Variants in PCNX3 observed in about 807,000 individuals in gnomAD.
PCNX3 encodes pecanex 3, also known as pecanex-like protein 3.
In PCNX3, 58 loss-of-function variants were observed where a neutral mutation model predicts 207.2. That is an observed-to-expected ratio of 0.28 (90% CI 0.23 to 0.35). PCNX3 has a LOEUF of 0.35. Ranked by LOEUF, PCNX3 falls within the 10% of genes least tolerant of loss-of-function variation. The pLI is 1.00. For missense variants in PCNX3, 2,410 were observed against 2,774.4 expected (o/e 0.87, Z 2.95); for synonymous variants, 1,337 against 1,183.5 (o/e 1.13, Z -2.66).
At position 65,618,759 on chromosome 11, in the gene PCNX3, G is replaced by A. The variant is rs1294311865; in HGVS notation, c.1397G>A (p.Arg466Gln). ...ESSRGAAGGP[R>Q]KRRAPHGAEE... Reference sequence around the variant, plus strand: ...TCCCGGGGTGCAGCAGGGGGACCCCGGAAGCGGAGGGCCCCCCATGGGGCT... The same window carrying A: ...TCCCGGGGTGCAGCAGGGGGACCCCAGAAGCGGAGGGCCCCCCATGGGGCT... The change falls in exon 6 of 35, where the codon CGG (arginine) becomes CAG (glutamine). Residue 466 changes from arginine to glutamine, a missense_variant. Physicochemically the swap from Arg to Gln is conservative, Grantham distance 43 (BLOSUM62 1). Transcript: ENST00000355703. 3 of 1,611,372 alleles carry A rather than the reference G, an allele frequency of 1.9e-6. No homozygotes were observed. Among genetic ancestry groups the A allele is most frequent in the African/African-American group, 1.3e-5 (1 of 74,906 alleles).
rs201544271 is a variant in PCNX3, at chr11:65,625,021, G to C, written c.2919+5G>C. 1.2e-4 allele frequency: 194 copies of C among 1,611,404 alleles called. 1 individual carries two copies. The East Asian group carries it at 4.2e-3, about 35-fold the overall frequency. ...TTCTGCCTTGGGGCCATCAAGGTAG[G>C]GGTGGCTTGCGAGGTGGGGGCATGC... On this transcript the variant is annotated splice_donor_5th_base_variant and intron_variant, in intron 16 of 34. Coordinates refer to ENST00000355703, the MANE Select transcript of PCNX3 (RefSeq NM_032223.4). The surrounding 1 kb of genome is among the most constrained non-coding windows in gnomAD (Gnocchi z 5.6).
In PCNX3 at chr11:65,624,254, C is replaced by T. The variant is rs374208667; in HGVS notation, c.2604C>T (p.Leu868=). Residue 868 remains leucine (L), a synonymous_variant, in exon 14 of 35, where the codon CTC becomes CTT. Transcript: ENST00000355703. ...TCTACTTCTGCATCTGCTGTCTGCT[C>T]ATCTGGCTGCTGGACGCCCTGGGCT... ...RPVYFCICCL[L]IWLLDALGSA... 6.2e-7 allele frequency: 1 copy of T among 1,606,130 alleles called. No individual in the cohort carries two copies. Among genetic ancestry groups the T allele is most frequent in the Non-Finnish European group, 8.5e-7 (1 of 1,176,394 alleles).
chr11:65,617,880 C>T (rs967389557), intron 5 of PCNX3, 60 bp from the exon 6 acceptor site: 1 of 1,492,836 alleles, frequency 6.7e-7, no homozygotes, highest in Non-Finnish European at 9.0e-7. Flanking sequence ...CCTCCCTTAA[C>T]CACTAGTTTG....
chr11:65,618,958 G>A lies in PCNX3; in HGVS notation c.1596G>A (p.Glu532=). 1 of 1,604,464 alleles carries A rather than the reference G, an allele frequency of 6.2e-7. No homozygotes were observed. The highest frequency in any genetic ancestry group is 8.5e-7 in the Non-Finnish European group (1 of 1,177,592). Residue 532 remains glutamate (E), a synonymous_variant, in exon 6 of 35, where the codon GAG becomes GAA. Coordinates refer to ENST00000355703, the MANE Select transcript of PCNX3 (RefSeq NM_032223.4). The part of the protein sequence containing the change: ...KAELEAQVGV[E]QAASEPVVLP... ...AGCTGGAGGCCCAGGTTGGGGTGGA[G>A]CAGGCTGCTAGTGAGCCTGTTGTGC... is the stretch of plus-strand genomic sequence containing the variant.
chr11:65,617,041 T>C (rs1426527619), intron 2 of PCNX3, 30 bp downstream of exon 2: 1 of 1,567,194 alleles, frequency 6.4e-7, no homozygotes, highest in Non-Finnish European at 8.7e-7. Flanking sequence ...TGCTGGGGAT[T>C]GAGGGTTTTT....
At chr11:65,623,710 T>G (rs1465586622) in intron 12 of PCNX3, 66 bp downstream of exon 12, 1 of 1,584,434 alleles carries the variant, frequency 6.3e-7, no homozygotes, top group African/African-American at 1.4e-5. Context: ...TTCCCACAAC[T>G]CCAGTTTTAA....
In PCNX3 at chr11:65,630,655, C is replaced by T. The variant is rs774613779; in HGVS notation, c.4470+51C>T. 93 of 1,579,750 alleles carry T rather than the reference C, an allele frequency of 5.9e-5. No individual in the cohort carries two copies. In the Middle Eastern group the frequency reaches 8.4e-4, roughly 14 times the overall value. ...AGCAGGGCCCTTGCGGGTGAGCGCT[C>T]GCTGACCAGAGGCCCCAGTACCCCC... On this transcript the variant is annotated intron_variant, in intron 27 of 34. Transcript: ENST00000355703.
At chr11:65,634,947 C>G (rs1253858780) in intron 29 of PCNX3, 26 bp from the exon 30 acceptor site, 1 of 1,600,818 alleles carries the variant, frequency 6.2e-7, no homozygotes, top group Admixed American at 1.7e-5. Flanking sequence ...CCCCTCTCTC[C>G]CCTCCCTGTT....
chr11:65,635,364 G>T lies in PCNX3; in HGVS notation c.5100G>T (p.Ala1700=). Residue 1700 remains alanine (A), a synonymous_variant, in exon 31 of 35, where the codon GCG becomes GCT. Coordinates refer to ENST00000355703, the MANE Select transcript of PCNX3 (RefSeq NM_032223.4). This position sits in a 1 kb window ranked among gnomAD's most constrained non-coding sequence, Gnocchi z 9.9. The part of the protein sequence containing the change: ...AILSNTPSLL[A]LRHVLDDASD... ...TCAGCAACACGCCCTCCCTGCTGGCGCTGCGCCATGTCCTGGATGATGCCT... is the reference window on the plus strand; with the variant it reads ...TCAGCAACACGCCCTCCCTGCTGGCTCTGCGCCATGTCCTGGATGATGCCT... The T allele has an allele frequency of 6.2e-7, 1 of 1,611,750 alleles. No homozygotes were observed. Among genetic ancestry groups the T allele is most frequent in the Non-Finnish European group, 8.5e-7 (1 of 1,179,428 alleles).
chr11:65,618,231 C>T lies in PCNX3; in HGVS notation c.869C>T (p.Pro290Leu). The T allele has an allele frequency of 1.2e-6, 2 of 1,607,456 alleles. No individual in the cohort carries two copies. Among genetic ancestry groups the T allele is most frequent in the Non-Finnish European group, 1.7e-6 (2 of 1,176,808 alleles). The change falls in exon 6 of 35, where the codon CCC becomes CTC. Residue 290 changes from proline (P) to leucine (L), a missense_variant. This residue lies in a region of PCNX3 where 1,104 missense variants were observed against 970.3 expected (regional missense o/e 1.14). Transcript: ENST00000355703. ...QPLDRRGSGE[P>L]TPQKAGSSDS... Reference sequence around the variant, plus strand: ...CTTGACCGGCGGGGCTCAGGGGAGCCCACGCCCCAGAAAGCCGGCTCCTCA... The same window carrying T: ...CTTGACCGGCGGGGCTCAGGGGAGCTCACGCCCCAGAAAGCCGGCTCCTCA...
Position 65,618,021 on chromosome 11 carries a change from T to A in PCNX3, c.659T>A (p.Leu220Gln). Residue 220 changes from leucine to glutamine, a missense_variant, in exon 6 of 35, where the codon CTG becomes CAG. Leu to Gln is a moderately radical substitution (Grantham distance 113). Coordinates refer to ENST00000355703, the MANE Select transcript of PCNX3 (RefSeq NM_032223.4). ...ASTDSSEPSPLAGDGAPWSGS... is the reference protein window; with the variant it reads ...ASTDSSEPSPQAGDGAPWSGS... ...ACAGACTCTTCAGAGCCTTCTCCCC[T>A]GGCTGGAGATGGAGCGCCCTGGAGT... 9.3e-6 allele frequency: 15 copies of A among 1,609,148 alleles called. No individual in the cohort carries two copies. Among genetic ancestry groups the A allele is most frequent in the Non-Finnish European group, 1.3e-5 (15 of 1,178,186 alleles).
intron 26 of PCNX3, among the ~76,000 whole-genome samples, 185 bp from the exon 27 acceptor site, chr11:65,630,166 G>A (rs1302092972): frequency 6.6e-6 from 1 of 152,196 alleles, no homozygotes; most frequent in East Asian, 1.9e-4. Flanking sequence ...GCCCTTGGAT[G>A]CTGGGAGTTG....
intron 15 of PCNX3, 64 bp from the exon 16 acceptor site, chr11:65,624,861 C>A (rs1180955238): frequency 2.0e-6 from 3 of 1,481,660 alleles, no homozygotes; most frequent in East Asian, 2.3e-5. Context: ...AGGGGAAGCG[C>A]GGCTAGGGTT....
intron 27 of PCNX3, among the ~76,000 whole-genome samples, chr11:65,632,281 G>A (rs1855644935): frequency 6.6e-6 from 1 of 151,244 alleles, no homozygotes; most frequent in East Asian, 2.0e-4. Context: ...GTGAAGCTTG[G>A]AAGGACAAGT....
Position 65,619,796 on chromosome 11 carries a change from C to A in PCNX3, c.1872C>A (p.Ser624=). 6.3e-7 allele frequency: 1 copy of A among 1,588,910 alleles called. No homozygotes were observed. Among genetic ancestry groups the A allele is most frequent in the Non-Finnish European group, 8.5e-7 (1 of 1,173,156 alleles). The stretch of plus-strand genomic sequence containing the variant: ...AGCGGGGCCGGGCTGCCTCCCACTC[C>A]CGGGCGCTGACGCTGCCCTCTGCGC... ...EAQRGRAASH[S]RALTLPSALH... Residue 624 remains serine (S), a synonymous_variant, in exon 8 of 35, where the codon TCC becomes TCA. Coordinates refer to ENST00000355703, the MANE Select transcript of PCNX3 (RefSeq NM_032223.4).
intron 32 of PCNX3, 50 bp from the exon 33 acceptor site, chr11:65,636,124 T>G: frequency 1.3e-6 from 2 of 1,564,918 alleles, no homozygotes; most frequent in African/African-American, 1.4e-5. Flanking sequence ...GTGAGGCCTC[T>G]GGCCTCAGCC....
At position 65,630,577 on chromosome 11, in the gene PCNX3, C is replaced by G. The variant is rs1214382516; in HGVS notation, c.4443C>G (p.Arg1481=). The part of the protein sequence containing the change: ...AASMLQVFDL[R]KILITYYVKS... ...CCATGCTGCAGGTTTTCGACCTCCG[C>G]AAGATCCTCATCACCTACTATGTCA... The change falls in exon 27 of 35, where the codon CGC becomes CGG. Residue 1481 remains arginine (R), a synonymous_variant. Transcript: ENST00000355703. 1.9e-6 allele frequency: 3 copies of G among 1,612,434 alleles called. No individual in the cohort carries two copies. In the South Asian group the frequency reaches 3.3e-5, roughly 18 times the overall value.
rs907264546 is a variant in PCNX3 at position 65,616,196 on chromosome 11, C to A, written c.-116C>A. 23 of 821,260 alleles carry A rather than the reference C, an allele frequency of 2.8e-5. No individual in the cohort carries two copies. In the East Asian group the frequency reaches 7.5e-4, roughly 27 times the overall value. 50.9% of individuals were successfully genotyped at this position (821,260 alleles called of 1,614,324 possible). A position where few individuals can be genotyped will look rare whatever the true frequency, so the allele number is the denominator to read the frequency against. On this transcript the variant is annotated 5_prime_UTR_variant, in exon 1 of 35. Coordinates refer to ENST00000355703, the MANE Select transcript of PCNX3 (RefSeq NM_032223.4). ...GCCCCCCTCCCCCGCTGGGGGAGGC[C>A]ATGGCGTGAGCGTGAGGCCGGGCCC...
At position 65,618,289 on chromosome 11, in the gene PCNX3, A is replaced by G. The variant is rs1268387881; in HGVS notation, c.927A>G (p.Thr309=). The change falls in exon 6 of 35, where the codon ACA becomes ACG. Residue 309 remains threonine, a synonymous_variant. Coordinates refer to ENST00000355703, the MANE Select transcript of PCNX3 (RefSeq NM_032223.4). ...GCTTCAGCGGCACTGACAGGGAGAC[A>G]TTGAGCAGCTTCAAGAGTGAGAAGA... ...DSCFSGTDRE[T]LSSFKSEKTN... 7 of 1,610,300 alleles carry G rather than the reference A, an allele frequency of 4.3e-6. No individual in the cohort carries two copies. In the African/African-American group the frequency reaches 6.7e-5, roughly 15 times the overall value.
Sources: gnomAD v4.1 joint callset for allele counts (sites outside exome capture counted in the v4.1 genomes callset) on GRCh38, gnomAD v4.1.1 for gene constraint, gnomAD v4.1.1 regional missense constraint, Gnocchi (gnomAD v3.1) non-coding constraint, MANE v1.5 for transcripts, NCBI Gene and HGNC (gene_info 2026-07-23, HGNC 2026-07-21) for gene names.